Variants in LDLRAD3 observed in about 807,000 individuals in gnomAD.
LDLRAD3 encodes low density lipoprotein receptor class A domain containing 3.
A neutral mutation model predicts 29.4 loss-of-function variants in LDLRAD3; 20 were observed. The ratio of observed to expected loss-of-function variants is 0.68; its 90% confidence interval spans 0.48 to 0.99. LDLRAD3 has a LOEUF of 0.99. LDLRAD3 is among the 50% of genes least tolerant of loss of function. The pLI is 0.00. For synonymous variants in LDLRAD3, 157 were observed against 192.7 expected, an observed-to-expected ratio of 0.81 and a Z score of 1.53; for missense variants, 420 against 454.3, an observed-to-expected ratio of 0.92 and a Z score of 0.69.
intron 4 of LDLRAD3, among the ~76,000 whole-genome samples, chr11:36,215,512 G>A (rs1380792227): frequency 6.6e-6 from 1 of 152,188 alleles, no homozygotes; most frequent in Non-Finnish European, 1.5e-5. Context: ...GGTGTGCAGA[G>A]TCCCGTTTGG....
At chr11:36,066,760 G>T (rs1031224476) in intron 2 of LDLRAD3, among the ~76,000 whole-genome samples, 2 of 152,120 alleles carry the variant, frequency 1.3e-5, no homozygotes, top group African/African-American at 4.8e-5. Flanking sequence ...AATATTATGG[G>T]CTTGTCTCTC....
intron 2 of LDLRAD3, among the ~76,000 whole-genome samples, chr11:36,077,275 C>A (rs1853028722): frequency 1.3e-5 from 2 of 152,172 alleles, no homozygotes; most frequent in South Asian, 4.1e-4. Flanking sequence ...ACAGATAAGC[C>A]AATACATGTA....
rs1352083514 is a variant in LDLRAD3, at chr11:36,231,689, T to C, written c.*2292T>C. On this transcript the variant is annotated 3_prime_UTR_variant, in exon 6 of 6. Transcript: ENST00000315571. ...GACATTTTTATTATAGATTTGATTT[T>C]TTTAATGAATGTTTTTAAAAATATA... The C allele has an allele frequency of 6.6e-6, 1 of 152,188 alleles. No homozygotes were observed. The highest frequency in any genetic ancestry group is 1.9e-4 in the East Asian group (1 of 5,200). The allele number at this position is 152,188 out of a possible 1,614,324, so 9.4% of individuals were successfully genotyped here.
At chr11:36,015,428 GA>G (rs1271226546) in intron 1 of LDLRAD3, among the ~76,000 whole-genome samples, 1 of 151,320 alleles carries the variant, frequency 6.6e-6, no homozygotes, top group Admixed American at 6.6e-5. Context: ...GAAGAAAGGA[GA>G]GGAATGGTGT....
intron 2 of LDLRAD3, among the ~76,000 whole-genome samples, chr11:36,070,520 C>T (rs187882300): frequency 6.6e-6 from 1 of 152,284 alleles, no homozygotes; most frequent in Admixed American, 6.5e-5. Context: ...TTGAAGGAGT[C>T]ATGGCCAGAG....
intron 1 of LDLRAD3, among the ~76,000 whole-genome samples, chr11:35,973,356 A>G (rs1327154170): frequency 1.3e-5 from 2 of 152,158 alleles, no homozygotes; most frequent in Non-Finnish European, 2.9e-5. Context: ...GCTGTGACAA[A>G]CAATGTTACA....
Position 36,098,448 on chromosome 11 carries a change from T to C in LDLRAD3, c.441T>C (p.Cys147=). 6.2e-6 allele frequency: 10 copies of C among 1,614,168 alleles called. No individual in the cohort carries two copies. The highest frequency in any genetic ancestry group is 8.5e-6 in the Non-Finnish European group (10 of 1,180,024). ...AAGACAACAGTGATGAGGAAAGCTG[T>C]GAAAGTTCTCAAGGTAGGAACCTCT... ...NCQDNSDEES[C]ESSQEPGSGQ... Residue 147 remains cysteine (C), a synonymous_variant, in exon 4 of 6, where the codon TGT becomes TGC. Coordinates refer to ENST00000315571, the MANE Select transcript of LDLRAD3 (RefSeq NM_174902.4).
chr11:36,163,607 C>T (rs138652104), intron 4 of LDLRAD3: 1 of 151,684 alleles, frequency 6.6e-6, no homozygotes. Flanking sequence ...AATGCACTGC[C>T]TTTCCCACCC....
At chr11:36,074,955 T>C (rs75666756) in intron 2 of LDLRAD3, among the ~76,000 whole-genome samples, 3,362 of 152,270 alleles carry the variant, frequency 0.022, 117 homozygotes, top group African/African-American at 0.076. Context: ...AAAAGTCTGC[T>C]TGGAACATTG....
rs115931135 is a variant in LDLRAD3 at position 36,156,891 on chromosome 11, A to G, written c.454+58430A>G. Among the ~76,000 whole-genome samples, 1,208 of 152,340 alleles carry G rather than the reference A, an allele frequency of 7.9e-3. 18 individuals carry two copies. The highest frequency in any genetic ancestry group is 0.026 in the African/African-American group (1,089 of 41,584). Reference sequence around the variant, plus strand: ...TGAATTCATTTGGGAGAACGTGTGTATGTCAGTCACTGCCTTTTCGGATCT... The same window carrying G: ...TGAATTCATTTGGGAGAACGTGTGTGTGTCAGTCACTGCCTTTTCGGATCT... On this transcript the variant is annotated intron_variant, in intron 4 of 5. Transcript: ENST00000315571.
At chr11:35,994,807 C>G (rs1373086068) in intron 1 of LDLRAD3, among the ~76,000 whole-genome samples, 2 of 152,202 alleles carry the variant, frequency 1.3e-5, no homozygotes, top group African/African-American at 2.4e-5. Flanking sequence ...CATAGCATCT[C>G]CATCAGGACT....
chr11:35,972,021 A>T (rs1276071751), intron 1 of LDLRAD3, among the ~76,000 whole-genome samples: 3 of 152,104 alleles, frequency 2.0e-5, no homozygotes, highest in African/African-American at 7.2e-5. Context: ...TGTCAGTAAG[A>T]TGTTCTCTGG....
rs189015080 is a variant in LDLRAD3, at chr11:36,099,480, G to T, written c.454+1019G>T. 4.1e-4 allele frequency among the ~76,000 whole-genome samples: 62 copies of T among 152,174 alleles called. 1 individual carries two copies. Among genetic ancestry groups the T allele is most frequent in the Admixed American group, 9.8e-4 (15 of 15,280 alleles). On this transcript the variant is annotated intron_variant, in intron 4 of 5. Coordinates refer to ENST00000315571, the MANE Select transcript of LDLRAD3 (RefSeq NM_174902.4). ...CTGTGATTCACCTGTATTGTTTGTT[G>T]TTGGAGATTGTTTGTCTTGACTTAT...
intron 2 of LDLRAD3, among the ~76,000 whole-genome samples, chr11:36,075,428 T>C (rs1183883152): frequency 6.6e-6 from 1 of 152,186 alleles, no homozygotes; most frequent in Admixed American, 6.5e-5. Flanking sequence ...GGGACTGTAG[T>C]GTTGGTGTAT....
chr11:36,169,322 T>C lies in LDLRAD3; in HGVS notation c.455-57763T>C, dbSNP rs575525179. On this transcript the variant is annotated intron_variant, in intron 4 of 5. Transcript: ENST00000315571. ...CATGCCAAATCATCTCTTCTAGCTG[T>C]TTTGAAATATATAATTATTGTTAAC... is the stretch of plus-strand genomic sequence containing the variant. Among the ~76,000 whole-genome samples, 3 of 152,310 alleles carry C rather than the reference T, an allele frequency of 2.0e-5. No individual in the cohort carries two copies. The South Asian group carries it at 6.2e-4, about 32-fold the overall frequency.
chr11:36,121,491 T>G (rs1157292957), intron 4 of LDLRAD3, among the ~76,000 whole-genome samples: 1 of 152,154 alleles, frequency 6.6e-6, no homozygotes, highest in African/African-American at 2.4e-5. Flanking sequence ...TTCTACCCTG[T>G]CCTGTAAAAC....
intron 4 of LDLRAD3, among the ~76,000 whole-genome samples, chr11:36,175,013 G>A (rs1565279748): frequency 6.6e-6 from 1 of 151,902 alleles, no homozygotes; most frequent in Non-Finnish European, 1.5e-5. Context: ...AAAAAGAATG[G>A]CGATCATTAA....
intron 3 of LDLRAD3, among the ~76,000 whole-genome samples, chr11:36,084,000 C>G (rs1412908770): frequency 6.6e-6 from 1 of 152,088 alleles, no homozygotes. Context: ...CTCACTCCAG[C>G]CTCAACCTCC....
intron 1 of LDLRAD3, among the ~76,000 whole-genome samples, chr11:35,953,111 G>A (rs898712391): frequency 2.0e-5 from 3 of 152,248 alleles, no homozygotes; most frequent in Admixed American, 6.5e-5. Context: ...CCTGAGAACC[G>A]GACTCTCCTT....
Sources: allele counts gnomAD v4.1 joint callset (sites outside exome capture counted in the v4.1 genomes callset), GRCh38; gene constraint gnomAD v4.1.1; transcripts MANE v1.5; gene names NCBI Gene and HGNC (gene_info 2026-07-23, HGNC 2026-07-21).